The following ROBO2 variants were observed in gnomAD, a reference collection of about 807,000 sequenced individuals.
The protein encoded by ROBO2 is roundabout guidance receptor 2.
In ROBO2, 53 loss-of-function variants were observed where a neutral mutation model predicts 160.8. That is an observed-to-expected ratio of 0.33 (90% CI 0.26 to 0.41). The LOEUF is 0.41. Among genes scored for constraint, ROBO2 ranks in the 10% least tolerant of loss-of-function variants. ROBO2 has a pLI of 1.00. For synonymous variants in ROBO2, 664 were observed against 611.7 expected (o/e 1.09, Z -1.26); for missense variants, 1,577 against 1,722.4 (o/e 0.92, Z 1.49).
chr3:77,322,755 A>T (rs1465917724), intron 2 of ROBO2, among the ~76,000 whole-genome samples: 1 of 134,630 alleles, frequency 7.4e-6, no homozygotes, highest in Non-Finnish European at 1.6e-5. Flanking sequence ...TTATTTATAT[A>T]TAATATATTA....
intron 4 of ROBO2, among the ~76,000 whole-genome samples, chr3:77,488,299 G>T (rs1427853105): frequency 2.0e-5 from 3 of 152,086 alleles, no homozygotes; most frequent in Non-Finnish European, 2.9e-5. Flanking sequence ...TAATTGCATT[G>T]GCAAAGACAT....
Position 77,445,783 on chromosome 3 carries a change from GGTTTTTTTTT to G in ROBO2, c.389-31620_389-31611del, listed in dbSNP as rs2080417773. On this transcript the variant is annotated intron_variant, in intron 2 of 25. Transcript: ENST00000461745. ...ACCAGTTGCTTTTAAACAATTAAAA[GGTTTTTTTTT>G]GTTTTTTTTTTTTTTTTTGCTAATT... Among the ~76,000 whole-genome samples the G allele has an allele frequency of 4.6e-5, 5 of 108,936 alleles. No individual in the cohort carries two copies. In the East Asian group the frequency reaches 1.5e-3, roughly 33 times the overall value. The allele number at this position is 108,936 out of a possible 152,430, so 71.5% of individuals were successfully genotyped here. A position where few individuals can be genotyped will look rare whatever the true frequency, so the allele number is the denominator to read the frequency against.
intron 2 of ROBO2, among the ~76,000 whole-genome samples, chr3:77,150,930 T>TA (rs2077501140): frequency 6.6e-6 from 1 of 152,122 alleles, no homozygotes; most frequent in Admixed American, 6.5e-5. Context: ...TTAATTAACT[T>TA]TAGGAACAGA....
At chr3:76,785,882 T>C (rs1226667691) in intron 2 of ROBO2, among the ~76,000 whole-genome samples, 2 of 151,304 alleles carry the variant, frequency 1.3e-5, no homozygotes, top group Non-Finnish European at 3.0e-5. Context: ...TCTGCTACAA[T>C]TGTTTCAAAA....
Position 75,928,980 on chromosome 3 carries a change from CGT to C in ROBO2, c.-13-8481_-13-8480del, listed in dbSNP as rs60481031. Among the ~76,000 whole-genome samples, 74 of 94,094 alleles carry C rather than the reference CGT, an allele frequency of 7.9e-4. 5 individuals carry two copies. Among genetic ancestry groups the C allele is most frequent in the African/African-American group, 2.8e-3 (62 of 22,498 alleles). 61.7% of individuals were successfully genotyped at this position (94,094 alleles called of 152,430 possible). On this transcript the variant is annotated intron_variant, in intron 1 of 26. Coordinates refer to the ROBO2 transcript ENST00000487694. ...GAGATGTGCAGCTGGATAAGACGTACGTGTGTGTGTGTGTGTGTGTGATAGCT... is the reference window on the plus strand; with the variant it reads ...GAGATGTGCAGCTGGATAAGACGTACGTGTGTGTGTGTGTGTGTGATAGCT...
intron 2 of ROBO2, among the ~76,000 whole-genome samples, chr3:76,047,666 G>C (rs2067495369): frequency 6.6e-6 from 1 of 152,192 alleles, no homozygotes; most frequent in African/African-American, 2.4e-5. Context: ...ATAAGATGTA[G>C]ATGTTCCGAT....
At chr3:76,095,808 A>G (rs1044962168) in intron 2 of ROBO2, among the ~76,000 whole-genome samples, 1 of 151,956 alleles carries the variant, frequency 6.6e-6, no homozygotes, top group Admixed American at 6.6e-5. Flanking sequence ...TCTGGTAAAT[A>G]TAACAAGGAA....
At chr3:77,553,411 A>G (rs1255754301) in intron 8 of ROBO2, among the ~76,000 whole-genome samples, 3 of 151,924 alleles carry the variant, frequency 2.0e-5, no homozygotes, top group Non-Finnish European at 4.4e-5. Flanking sequence ...CAGTATCTCT[A>G]CAGTGGCCTC....
At chr3:77,152,244 A>G (rs1357283007) in intron 2 of ROBO2, among the ~76,000 whole-genome samples, 1 of 152,210 alleles carries the variant, frequency 6.6e-6, no homozygotes, top group Non-Finnish European at 1.5e-5. Flanking sequence ...AATGTAAGCC[A>G]TATAAATCAT....
intron 2 of ROBO2, among the ~76,000 whole-genome samples, chr3:76,177,282 G>T (rs1293550578): frequency 6.6e-6 from 1 of 152,100 alleles, no homozygotes; most frequent in Non-Finnish European, 1.5e-5. Flanking sequence ...ATTTAAATTT[G>T]ATTGTGTAGT....
At chr3:76,276,759 A>C (rs985145072) in intron 2 of ROBO2, among the ~76,000 whole-genome samples, 12 of 152,012 alleles carry the variant, frequency 7.9e-5, no homozygotes, top group African/African-American at 2.7e-4. Context: ...GAACAACAAG[A>C]AGTCTATAAT....
chr3:76,828,272 G>A (rs1354208948), intron 2 of ROBO2, among the ~76,000 whole-genome samples: 9 of 152,030 alleles, frequency 5.9e-5, no homozygotes, highest in African/African-American at 1.9e-4. Context: ...AGAGTGGCAT[G>A]TGGTAGGTGT....
intron 2 of ROBO2, among the ~76,000 whole-genome samples, chr3:76,117,779 A>T (rs2070539840): frequency 2.6e-5 from 4 of 152,190 alleles, no homozygotes. Flanking sequence ...TATAAAAGAC[A>T]CAAATGAATT....
exon 8 of ROBO2, chr3:77,550,916 G>C: frequency 6.2e-7 from 1 of 1,612,942 alleles, no homozygotes; most frequent in Non-Finnish European, 8.5e-7. Flanking sequence ...GTTCCGACGC[G>C]GGTTACTACA....
chr3:77,449,754 T>C (rs991603537), intron 2 of ROBO2, among the ~76,000 whole-genome samples: 6 of 152,072 alleles, frequency 3.9e-5, no homozygotes, highest in African/African-American at 1.4e-4. Flanking sequence ...AGTTTATTTA[T>C]ATAAAATTAT....
In ROBO2 at chr3:76,792,192, C is replaced by T. The variant is rs114359793; in HGVS notation, c.110-305822C>T. Reference sequence around the variant, plus strand: ...TAGAGCTAGCTTCTAAAATGTGGCTCAATAATAAAATTAATATAAATGCAC... The same window carrying T: ...TAGAGCTAGCTTCTAAAATGTGGCTTAATAATAAAATTAATATAAATGCAC... On this transcript the variant is annotated intron_variant, in intron 2 of 26. Transcript: ENST00000487694. Among the ~76,000 whole-genome samples, 347 of 151,792 alleles carry T rather than the reference C, an allele frequency of 2.3e-3. 1 individual carries two copies. The highest frequency in any genetic ancestry group is 8.0e-3 in the African/African-American group (333 of 41,474).
chr3:76,836,428 AT>A (rs1354037701), intron 2 of ROBO2, among the ~76,000 whole-genome samples: 1 of 146,696 alleles, frequency 6.8e-6, no homozygotes, highest in East Asian at 2.0e-4. Context: ...GTATGTGTTA[AT>A]TTTTTTGTTT....
intron 5 of ROBO2, among the ~76,000 whole-genome samples, chr3:77,505,500 A>G (rs565386678): frequency 2.0e-4 from 31 of 152,218 alleles, no homozygotes; most frequent in African/African-American, 7.5e-4. Flanking sequence ...TTAATCATGT[A>G]ATAGTATTTT....
At chr3:77,520,873 A>G (rs533668789) in intron 5 of ROBO2, among the ~76,000 whole-genome samples, 4 of 151,458 alleles carry the variant, frequency 2.6e-5, no homozygotes, top group Non-Finnish European at 5.9e-5. Context: ...TGTTTTTCTC[A>G]CATTTTTACT....
Sources: gnomAD v4.1 joint callset for allele counts (sites outside exome capture counted in the v4.1 genomes callset) on GRCh38, gnomAD v4.1.1 for gene constraint, MANE v1.5 for transcripts, NCBI Gene and HGNC (gene_info 2026-07-23, HGNC 2026-07-21) for gene names.